Variants in KDELR2 observed in about 807,000 individuals in gnomAD.
KDELR2 encodes KDEL endoplasmic reticulum protein retention receptor 2.
KDELR2 carries 15 observed loss-of-function variants against 23.9 expected under a neutral mutation model. The observed-to-expected ratio is 0.63, with a 90% CI of 0.42 to 0.97. The LOEUF is 0.97. Ranked by LOEUF, KDELR2 falls within the 50% of genes least tolerant of loss-of-function variation. The pLI is 0.00. For missense variants in KDELR2, 272 were observed against 254.6 expected, an observed-to-expected ratio of 1.07 and a Z score of -0.46; for synonymous variants, 119 against 106.2, an observed-to-expected ratio of 1.12 and a Z score of -0.74.
At chr7:6,474,032 C>A in intron 2 of KDELR2, 152 bp downstream of exon 2, 1 of 563,638 alleles carries the variant, frequency 1.8e-6, no homozygotes, top group Non-Finnish European at 3.1e-6. Context: ...GTTATATATA[C>A]AAGGTGGTCT....
chr7:6,465,996 T>G (rs1280689840), intron 4 of KDELR2, 75 bp downstream of exon 4: 3 of 1,499,092 alleles, frequency 2.0e-6, no homozygotes, highest in Non-Finnish European at 2.7e-6. Context: ...AGTGCCAGAT[T>G]AGAAGAGTGC....
chr7:6,472,980 T>C (rs1182426228), intron 2 of KDELR2, among the ~76,000 whole-genome samples: 1 of 147,032 alleles, frequency 6.8e-6, no homozygotes, highest in Non-Finnish European at 1.5e-5. Context: ...CAATTACGGC[T>C]CACTGCAGCT....
At chr7:6,480,973 C>G (rs1229130594) in intron 1 of KDELR2, among the ~76,000 whole-genome samples, 2 of 152,142 alleles carry the variant, frequency 1.3e-5, no homozygotes, top group Non-Finnish European at 2.9e-5. Flanking sequence ...CACACACACA[C>G]GAAGTTAACT....
At chr7:6,478,717 C>T (rs1371604518) in intron 1 of KDELR2, among the ~76,000 whole-genome samples, 2 of 152,172 alleles carry the variant, frequency 1.3e-5, no homozygotes, top group East Asian at 3.8e-4. Context: ...CCTGGGTGCT[C>T]TCCAGGACCG....
chr7:6,477,344 T>C (rs749539489), intron 1 of KDELR2, among the ~76,000 whole-genome samples: 1 of 152,184 alleles, frequency 6.6e-6, no homozygotes, highest in Non-Finnish European at 1.5e-5. Flanking sequence ...CCTGTCTTCA[T>C]AGGAAAATGG....
At chr7:6,476,009 C>T (rs573942661) in intron 1 of KDELR2, among the ~76,000 whole-genome samples, 1 of 152,304 alleles carries the variant, frequency 6.6e-6, no homozygotes, top group East Asian at 1.9e-4. Flanking sequence ...CCTCCCTGGG[C>T]TGAGGTGATC....
At chr7:6,466,653 T>C (rs1253216554) in intron 3 of KDELR2, among the ~76,000 whole-genome samples, 1 of 151,996 alleles carries the variant, frequency 6.6e-6, no homozygotes, top group Non-Finnish European at 1.5e-5. Context: ...CTCGTCATAA[T>C]GCAGAATCAG....
At chr7:6,472,897 CTT>C (rs35369447) in intron 2 of KDELR2, among the ~76,000 whole-genome samples, 90 of 111,192 alleles carry the variant, frequency 8.1e-4, no homozygotes, top group Middle Eastern at 4.8e-3. Flanking sequence ...AGCCCCTGTT[CTT>C]TTTTTTTTTT....
At position 6,462,863 on chromosome 7, in the gene KDELR2, A is replaced by T; in HGVS notation, c.*278T>A. ...TCACAAAATCTTCACTTTTGGAACT[A>T]TCCCAATTGAAGCTACACACTGAAT... is the stretch of plus-strand genomic sequence containing the variant. On this transcript the variant is annotated 3_prime_UTR_variant, in exon 5 of 5. Coordinates refer to ENST00000258739, the MANE Select transcript of KDELR2 (RefSeq NM_006854.4). 9.9e-7 allele frequency: 1 copy of T among 1,005,728 alleles called. No individual in the cohort carries two copies. The highest frequency in any genetic ancestry group is 1.4e-6 in the Non-Finnish European group (1 of 707,594). The allele number at this position is 1,005,728 out of a possible 1,614,324, so 62.3% of individuals were successfully genotyped here. A position where few individuals can be genotyped will look rare whatever the true frequency, so the allele number is the denominator to read the frequency against.
At chr7:6,478,723 G>A (rs1785812149) in intron 1 of KDELR2, among the ~76,000 whole-genome samples, 1 of 152,092 alleles carries the variant, frequency 6.6e-6, no homozygotes, top group African/African-American at 2.4e-5. Context: ...TGCTCTCCAG[G>A]ACCGTAGTAT....
chr7:6,467,831 C>T (rs1297138554), intron 3 of KDELR2, among the ~76,000 whole-genome samples: 1 of 152,144 alleles, frequency 6.6e-6, no homozygotes, highest in South Asian at 2.1e-4. Context: ...TTGATCGGCC[C>T]CAGGATGTGA....
chr7:6,465,857 G>A (rs895788223), intron 4 of KDELR2, among the ~76,000 whole-genome samples: 5 of 152,144 alleles, frequency 3.3e-5, no homozygotes, highest in African/African-American at 9.7e-5. Flanking sequence ...CTTTTACAGT[G>A]AAAATGTGTC....
chr7:6,483,871 A>G, intron 1 of KDELR2, 96 bp downstream of exon 1: 1 of 983,764 alleles, frequency 1.0e-6, no homozygotes, highest in Non-Finnish European at 1.3e-6. Context: ...GGGCCGGCGC[A>G]GGCCCCGCGA....
intron 2 of KDELR2, among the ~76,000 whole-genome samples, chr7:6,471,128 AAT>A (rs1277858764): frequency 4.6e-4 from 2 of 4,370 alleles, no homozygotes; most frequent in African/African-American, 1.4e-3. Flanking sequence ...AAAAATAAAA[AAT>A]AAATAAATAA....
At chr7:6,479,203 G>C (rs1248948256) in intron 1 of KDELR2, among the ~76,000 whole-genome samples, 1 of 152,114 alleles carries the variant, frequency 6.6e-6, no homozygotes. Flanking sequence ...TGTCACCCAA[G>C]CTGAAGTGCA....
chr7:6,467,888 A>G (rs1439742241), intron 3 of KDELR2, among the ~76,000 whole-genome samples: 1 of 152,212 alleles, frequency 6.6e-6, no homozygotes, highest in Non-Finnish European at 1.5e-5. Flanking sequence ...GGCACTCAGG[A>G]GCAGATCAGC....
At chr7:6,471,749 A>T (rs1785647934) in intron 2 of KDELR2, among the ~76,000 whole-genome samples, 1 of 152,150 alleles carries the variant, frequency 6.6e-6, no homozygotes, top group Non-Finnish European at 1.5e-5. Flanking sequence ...TTCACTCACC[A>T]GTTGAAGGAC....
At chr7:6,466,431 G>A (rs756444209) in intron 3 of KDELR2, 108 bp from the exon 4 acceptor site, 23 of 1,385,490 alleles carry the variant, frequency 1.7e-5, no homozygotes, top group Admixed American at 8.6e-5. Flanking sequence ...AGTGGGGAGT[G>A]GGGCATGTCG....
At chr7:6,481,914 A>G (rs551302530) in intron 1 of KDELR2, among the ~76,000 whole-genome samples, 3 of 152,284 alleles carry the variant, frequency 2.0e-5, no homozygotes, top group African/African-American at 7.2e-5. Context: ...CCACTCCCTA[A>G]GACTCAGATC....
Sources: allele counts gnomAD v4.1 joint callset (sites outside exome capture counted in the v4.1 genomes callset), GRCh38; gene constraint gnomAD v4.1.1; transcripts MANE v1.5; gene names NCBI Gene and HGNC (gene_info 2026-07-23, HGNC 2026-07-21).